Variants in ECPAS observed in about 807,000 individuals in gnomAD.
The protein encoded by ECPAS is Ecm29 proteasome adaptor and scaffold.
In ECPAS, 70 loss-of-function variants were observed where a neutral mutation model predicts 255.1. The ratio of observed to expected loss-of-function variants is 0.27; its 90% CI spans 0.23 to 0.33. ECPAS has a LOEUF of 0.33. Among genes scored for constraint, ECPAS ranks in the 10% least tolerant of loss-of-function variants. ECPAS has a pLI of 1.00. For synonymous variants in ECPAS, 784 were observed against 775.0 expected, an observed-to-expected ratio of 1.01 and a Z score of -0.19; for missense variants, 1,817 against 2,206.4, an observed-to-expected ratio of 0.82 and a Z score of 3.54.
intron 24 of ECPAS, 57 bp downstream of exon 24, chr9:111,408,514 A>T: frequency 8.7e-7 from 1 of 1,154,818 alleles, no homozygotes; most frequent in East Asian, 2.6e-5. Flanking sequence ...CTAAAAAAAA[A>T]AAAAAGACCA....
intron 27 of ECPAS, among the ~76,000 whole-genome samples, 161 bp downstream of exon 27, chr9:111,393,519 A>C (rs948713575): frequency 1.3e-5 from 2 of 152,234 alleles, no homozygotes; most frequent in African/African-American, 4.8e-5. Flanking sequence ...TGGTTTCTAA[A>C]CATTAACATA....
chr9:111,466,325 A>G lies in ECPAS; in HGVS notation c.22+6572T>C, dbSNP rs546407033. Among the ~76,000 whole-genome samples, 9 of 152,166 alleles carry G rather than the reference A, an allele frequency of 5.9e-5. No homozygotes were observed. The East Asian group carries it at 1.4e-3, about 23-fold the overall frequency. ...CTGGGCATGATGGTGTGCATCTGTAATCCCAGCTACTCAGGAGGCTGAGGC... is the reference window on the plus strand; with the variant it reads ...CTGGGCATGATGGTGTGCATCTGTAGTCCCAGCTACTCAGGAGGCTGAGGC... On this transcript the variant is annotated intron_variant, in intron 2 of 49. Transcript: ENST00000684092.
chr9:111,465,886 G>C (rs1339612271), intron 2 of ECPAS, among the ~76,000 whole-genome samples: 1 of 150,632 alleles, frequency 6.6e-6, no homozygotes, highest in Non-Finnish European at 1.5e-5. Context: ...ATTGAAAAAT[G>C]AGCCAGGCAT....
chr9:111,422,840 G>A (rs1427523778), intron 13 of ECPAS, among the ~76,000 whole-genome samples: 2 of 152,126 alleles, frequency 1.3e-5, no homozygotes, highest in African/African-American at 2.4e-5. Flanking sequence ...TCAGAAAAGA[G>A]AATCACTAGA....
chr9:111,419,986 A>G, intron 16 of ECPAS, 31 bp downstream of exon 16: 1 of 1,481,126 alleles, frequency 6.8e-7, no homozygotes, highest in Non-Finnish European at 9.4e-7. Context: ...AAAATAAACC[A>G]AAATTCAAAT....
intron 2 of ECPAS, among the ~76,000 whole-genome samples, chr9:111,471,672 A>T (rs1216882957): frequency 6.6e-6 from 1 of 152,212 alleles, no homozygotes; most frequent in Non-Finnish European, 1.5e-5. Context: ...AAGAGTGAAA[A>T]TGACACCATA....
chr9:111,374,350 A>G (rs1185883412), intron 38 of ECPAS, among the ~76,000 whole-genome samples: 1 of 152,160 alleles, frequency 6.6e-6, no homozygotes, highest in Non-Finnish European at 1.5e-5. Flanking sequence ...ATTTAACCAA[A>G]TATCTTCAGG....
chr9:111,449,288 C>T (rs867012942), intron 3 of ECPAS, among the ~76,000 whole-genome samples: 12 of 151,974 alleles, frequency 7.9e-5, no homozygotes, highest in South Asian at 2.1e-4. Flanking sequence ...GCTGAGTTTC[C>T]TTTTAAAATG....
chr9:111,385,480 AG>A, intron 32 of ECPAS, 38 bp from the exon 33 acceptor site: 1 of 1,149,942 alleles, frequency 8.7e-7, no homozygotes, highest in East Asian at 2.6e-5. Flanking sequence ...ATGATGAAAA[AG>A]GTCAGTATTT....
Position 111,372,465 on chromosome 9 carries a change from T to A in ECPAS, c.4492A>T (p.Asn1498Tyr). 2.5e-6 allele frequency: 4 copies of A among 1,613,874 alleles called. No individual in the cohort carries two copies. Among genetic ancestry groups the A allele is most frequent in the Non-Finnish European group, 3.4e-6 (4 of 1,179,782 alleles). ...TCCTGCCACACTTCGGTCCATAAATTACATTCTTCTTTTTCGGATTTCTCC... is the reference window on the plus strand; with the variant it reads ...TCCTGCCACACTTCGGTCCATAAATAACATTCTTCTTTTTCGGATTTCTCC... ...DEEKSEKEEC[N>Y]LWTEVWQENV... Residue 1498 changes from asparagine (N) to tyrosine (Y), a missense_variant, in exon 42 of 50, where the codon AAT becomes TAT. By Grantham distance (143) the Asn-to-Tyr change is moderately radical. Coordinates refer to ENST00000684092, the MANE Select transcript of ECPAS (RefSeq NM_001364929.1).
At chr9:111,367,514 A>G (rs1041135932) in intron 46 of ECPAS, among the ~76,000 whole-genome samples, 1 of 152,128 alleles carries the variant, frequency 6.6e-6, no homozygotes, top group Admixed American at 6.6e-5. Flanking sequence ...AGCTTTCTCT[A>G]CCTATCAAGG....
rs1474085960 is a variant in ECPAS, at chr9:111,362,144, T to C, written c.5406A>G (p.Thr1802=). Residue 1802 remains threonine (T), a synonymous_variant, in exon 50 of 50, where the codon ACA becomes ACG. Transcript: ENST00000684092. Reference sequence around the variant, plus strand: ...CAATTAGGAGCACTCTGCATTCAGATGTCAAACATTCCCACTGTTTAGATT... The same window carrying C: ...CAATTAGGAGCACTCTGCATTCAGACGTCAAACATTCCCACTGTTTAGATT... ...LEESKQWECL[T]SECRVLLIES... is the part of the protein sequence containing the mutation. The C allele has an allele frequency of 1.9e-6, 3 of 1,598,420 alleles. No homozygotes were observed. The highest frequency in any genetic ancestry group is 3.4e-5 in the Admixed American group (2 of 58,634).
At chr9:111,396,968 G>C in intron 25 of ECPAS, 62 bp downstream of exon 25, 1 of 1,601,248 alleles carries the variant, frequency 6.2e-7, no homozygotes, top group South Asian at 1.1e-5. Flanking sequence ...CCTCAAATGT[G>C]ATAAAGAGAA....
In ECPAS at chr9:111,484,265, G is replaced by A; in HGVS notation, c.-232C>T. On this transcript the variant is annotated 5_prime_UTR_variant, in exon 1 of 50. Transcript: ENST00000684092. ...GGCCGAGCGGGCCCGGGCTGCCCTAGCGGCCGGGGGAAATCCTCGAGGCGG... is the reference window on the plus strand; with the variant it reads ...GGCCGAGCGGGCCCGGGCTGCCCTAACGGCCGGGGGAAATCCTCGAGGCGG... The A allele has an allele frequency of 6.6e-7, 1 of 1,505,844 alleles. No individual in the cohort carries two copies. Among genetic ancestry groups the A allele is most frequent in the Non-Finnish European group, 8.8e-7 (1 of 1,131,484 alleles). The allele number at this position is 1,505,844 out of a possible 1,614,324, so 93.3% of individuals were successfully genotyped here.
chr9:111,483,420 C>A, intron 1 of ECPAS: 1 of 667,632 alleles, frequency 1.5e-6, no homozygotes, highest in Non-Finnish European at 1.8e-6. Flanking sequence ...GGCCTGGCGC[C>A]CCAGCCCTCA....
intron 46 of ECPAS, among the ~76,000 whole-genome samples, chr9:111,368,020 G>A (rs1218512817): frequency 2.0e-5 from 3 of 148,582 alleles, no homozygotes; most frequent in Admixed American, 2.0e-4. Context: ...GGGCAACAAA[G>A]CAAGACCCTG....
In ECPAS at chr9:111,371,664, G is replaced by A; in HGVS notation, c.4694C>T (p.Thr1565Ile). The A allele has an allele frequency of 1.2e-6, 2 of 1,613,830 alleles. No individual in the cohort carries two copies. Among genetic ancestry groups the A allele is most frequent in the Non-Finnish European group, 1.7e-6 (2 of 1,179,794 alleles). ...TCCAGCCAGGCCTTGCAGCAATGCG[G>A]TCAGTATCATTCCGAGATATGGAGG... The part of the protein sequence containing the change: ...LVPPYLGMIL[T>I]ALLQGLAGRT... Residue 1565 changes from threonine (T) to isoleucine (I), a missense_variant, in exon 43 of 50, where the codon ACC (threonine) becomes ATC (isoleucine). Thr to Ile is a moderately conservative substitution (Grantham distance 89). Around this residue, in one of 4 missense-constraint regions of ECPAS, gnomAD observed 960 missense variants for 1,179.0 expected, o/e 0.81. Coordinates refer to ENST00000684092, the MANE Select transcript of ECPAS (RefSeq NM_001364929.1).
chr9:111,466,454 A>T (rs2098279670), intron 2 of ECPAS, among the ~76,000 whole-genome samples: 1 of 150,928 alleles, frequency 6.6e-6, no homozygotes, highest in Non-Finnish European at 1.5e-5. Flanking sequence ...CAAAAAATAA[A>T]AAAAAAGAAA....
At chr9:111,387,344 G>T (rs200309121) in intron 31 of ECPAS, among the ~76,000 whole-genome samples, 2 of 148,326 alleles carry the variant, frequency 1.3e-5, no homozygotes, top group Admixed American at 6.7e-5. Flanking sequence ...GAGGGACAGA[G>T]TCTCACTCAT....
Sources: gnomAD v4.1 joint callset for allele counts (sites outside exome capture counted in the v4.1 genomes callset) on GRCh38, gnomAD v4.1.1 for gene constraint, gnomAD v4.1.1 regional missense constraint, MANE v1.5 for transcripts, NCBI Gene and HGNC (gene_info 2026-07-23, HGNC 2026-07-21) for gene names.